IFT43: variants seen among roughly 807,000 people sequenced by gnomAD.
IFT43 encodes intraflagellar transport protein 43 homolog.
A neutral mutation model predicts 32.3 loss-of-function variants in IFT43; 33 were observed. That is an observed-to-expected ratio of 1.02 (90% confidence interval 0.77 to 1.37). The LOEUF (loss-of-function observed/expected upper bound fraction) is 1.37. Among genes scored for constraint, IFT43 ranks in the 40% most tolerant of loss-of-function variants. IFT43 has a pLI of 0.00. For synonymous variants in IFT43, 93 were observed against 98.2 expected (o/e 0.95, Z 0.31); for missense variants, 274 against 265.9 (o/e 1.03, Z -0.21).
intron 5 of IFT43, among the ~76,000 whole-genome samples, chr14:76,062,892 T>C (rs1398841127): frequency 9.1e-6 from 1 of 110,322 alleles, no homozygotes; most frequent in African/African-American, 3.7e-5. Flanking sequence ...CACTCCAGCC[T>C]GGGCAACAGA....
intron 2 of IFT43, among the ~76,000 whole-genome samples, chr14:75,995,159 T>C (rs770515900): frequency 6.6e-6 from 1 of 152,190 alleles, no homozygotes; most frequent in Non-Finnish European, 1.5e-5. Flanking sequence ...TGTGAGGACA[T>C]GGAGACTTTA....
intron 3 of IFT43, among the ~76,000 whole-genome samples, chr14:76,028,608 T>C (rs983864113): frequency 6.6e-6 from 1 of 152,026 alleles, no homozygotes. Flanking sequence ...TTTTCAGTCC[T>C]CGCCCGCAAC....
intron 5 of IFT43, among the ~76,000 whole-genome samples, chr14:76,064,520 G>C (rs1488527197): frequency 6.6e-6 from 1 of 152,212 alleles, no homozygotes; most frequent in African/African-American, 2.4e-5. Flanking sequence ...CTAGAGCAAC[G>C]ATTCTAGAGC....
chr14:76,043,898 C>T (rs75517661), intron 3 of IFT43, among the ~76,000 whole-genome samples: 2 of 152,290 alleles, frequency 1.3e-5, no homozygotes, highest in East Asian at 3.9e-4. Context: ...GTTGTTTTAC[C>T]TGTGCTTCTG....
chr14:76,076,611 G>T (rs1371026974), intron 5 of IFT43: 2 of 1,614,102 alleles, frequency 1.2e-6, no homozygotes, highest in Non-Finnish European at 1.7e-6. Flanking sequence ...ACCCAAACAG[G>T]CAAACAACAG....
At chr14:76,011,502 T>C (rs2036084741) in intron 2 of IFT43, among the ~76,000 whole-genome samples, 3 of 152,226 alleles carry the variant, frequency 2.0e-5, no homozygotes, top group African/African-American at 7.2e-5. Flanking sequence ...TAGTGATAGA[T>C]ATCTCCATTG....
chr14:76,001,761 A>C (rs1410647033), intron 2 of IFT43, among the ~76,000 whole-genome samples: 1 of 152,178 alleles, frequency 6.6e-6, no homozygotes, highest in East Asian at 1.9e-4. Context: ...GTCCAAGATC[A>C]ATGTGCTGGC....
chr14:76,071,993 A>G (rs1397024494), intron 5 of IFT43, among the ~76,000 whole-genome samples: 2 of 152,068 alleles, frequency 1.3e-5, no homozygotes, highest in African/African-American at 4.8e-5. Context: ...CGGCTCCCCC[A>G]TCGCGATTCT....
intron 5 of IFT43, among the ~76,000 whole-genome samples, chr14:76,064,615 T>C (rs2037197658): frequency 6.6e-6 from 1 of 152,190 alleles, no homozygotes; most frequent in South Asian, 2.1e-4. Context: ...TGAAGGTGTG[T>C]AGAAGTGAGT....
In IFT43 at chr14:76,031,159, C is replaced by T. The variant is rs187844741; in HGVS notation, c.215+8765C>T. On this transcript the variant is annotated intron_variant, in intron 3 of 8. Transcript: ENST00000314067. ...ATCCTAGGTGTCAGTGAACTATGGC[C>T]CACAGGCCAGCTGCCTATTTTTATA... Among the ~76,000 whole-genome samples, 155 of 151,222 alleles carry T rather than the reference C, an allele frequency of 1.0e-3. 3 individuals are homozygous for T. The highest frequency in any genetic ancestry group is 0.01 in the Admixed American group (155 of 15,166).
intron 7 of IFT43, 60 bp from the exon 8 acceptor site, chr14:76,083,165 GAA>G (rs1369965339): frequency 6.3e-7 from 1 of 1,592,520 alleles, no homozygotes; most frequent in East Asian, 2.2e-5. Context: ...GGTTTTGTGA[GAA>G]AGAGTTGCCT....
intron 3 of IFT43, among the ~76,000 whole-genome samples, chr14:76,057,127 A>T (rs1244866414): frequency 2.0e-5 from 3 of 152,170 alleles, no homozygotes; most frequent in African/African-American, 7.2e-5. Flanking sequence ...TTCAGCCGTC[A>T]TTCTTCCTTT....
chr14:76,001,484 G>A (rs1477551897), intron 2 of IFT43, among the ~76,000 whole-genome samples: 1 of 152,154 alleles, frequency 6.6e-6, no homozygotes, highest in Admixed American at 6.6e-5. Context: ...TTTGAGGTAG[G>A]TGAGACTGGA....
At chr14:76,070,428 C>T (rs1490394112) in intron 5 of IFT43, among the ~76,000 whole-genome samples, 1 of 152,302 alleles carries the variant, frequency 6.6e-6, no homozygotes, top group East Asian at 1.9e-4. Flanking sequence ...AATGGAAACC[C>T]TGATGGCTCA....
At chr14:75,999,596 A>G (rs761735476) in intron 2 of IFT43, among the ~76,000 whole-genome samples, 129 of 152,264 alleles carry the variant, frequency 8.5e-4, no homozygotes, top group African/African-American at 2.9e-3. Context: ...CTGAAGTACT[A>G]TCTGAGTTCA....
chr14:76,050,852 C>T (rs575337222), intron 3 of IFT43, among the ~76,000 whole-genome samples: 1 of 152,246 alleles, frequency 6.6e-6, no homozygotes, highest in Admixed American at 6.5e-5. Context: ...AACTCTGCTG[C>T]CTTTTCTTGA....
chr14:76,002,022 C>T (rs1373409824), intron 2 of IFT43, among the ~76,000 whole-genome samples: 4 of 152,180 alleles, frequency 2.6e-5, no homozygotes, highest in South Asian at 2.1e-4. Flanking sequence ...CCAAGATGGG[C>T]GGATCACCTG....
intron 3 of IFT43, among the ~76,000 whole-genome samples, chr14:76,056,869 G>A (rs1250244047): frequency 3.9e-5 from 6 of 152,166 alleles, no homozygotes; most frequent in South Asian, 4.1e-4. Context: ...TTAGGATTCC[G>A]TTTACTTAGA....
In IFT43 at chr14:76,040,061, TC is replaced by T. The variant is rs907595769; in HGVS notation, c.215+17670del. Reference sequence around the variant, plus strand: ...TTGACCTCCCAGCCTCAAGCAATCCTCCCATCTCAGCCTCTTGAGTAGCTGG... The same window carrying T: ...TTGACCTCCCAGCCTCAAGCAATCCTCCATCTCAGCCTCTTGAGTAGCTGG... On this transcript the variant is annotated intron_variant, in intron 3 of 8. Transcript: ENST00000314067. Among the ~76,000 whole-genome samples the T allele has an allele frequency of 3.3e-5, 5 of 152,186 alleles. 1 individual carries two copies. The East Asian group carries it at 5.8e-4, about 18-fold the overall frequency.
Sources: gnomAD v4.1 joint callset for allele counts (sites outside exome capture counted in the v4.1 genomes callset) on GRCh38, gnomAD v4.1.1 for gene constraint, MANE v1.5 for transcripts, NCBI Gene and HGNC (gene_info 2026-07-23, HGNC 2026-07-21) for gene names.